GUCY1A2: variants seen among roughly 807,000 people sequenced by gnomAD.
GUCY1A2 encodes guanylate cyclase soluble subunit alpha-2.
GUCY1A2 carries 27 observed loss-of-function variants against 63.5 expected under a neutral mutation model. The ratio of observed to expected loss-of-function variants is 0.43; its 90% CI spans 0.31 to 0.59. GUCY1A2 has a LOEUF of 0.59. Among genes scored for constraint, GUCY1A2 ranks in the 20% least tolerant of loss-of-function variants. GUCY1A2 has a pLI of 0.11. For synonymous variants in GUCY1A2, 364 were observed against 343.5 expected, an observed-to-expected ratio of 1.06 and a Z score of -0.66; for missense variants, 768 against 913.3, an observed-to-expected ratio of 0.84 and a Z score of 2.05.
chr11:106,980,193 G>C (rs549347969), intron 2 of GUCY1A2, among the ~76,000 whole-genome samples: 1 of 152,318 alleles, frequency 6.6e-6, no homozygotes, highest in South Asian at 2.1e-4. Context: ...GCAAATATGT[G>C]AATTTCCCAT....
At chr11:106,911,604 A>T (rs1016472366) in intron 4 of GUCY1A2, among the ~76,000 whole-genome samples, 1 of 152,092 alleles carries the variant, frequency 6.6e-6, no homozygotes, top group Non-Finnish European at 1.5e-5. Flanking sequence ...TTAAAATCCC[A>T]AGAGATATAA....
At chr11:106,907,651 C>A (rs11211970) in intron 4 of GUCY1A2, among the ~76,000 whole-genome samples, 3 of 151,580 alleles carry the variant, frequency 2.0e-5, no homozygotes, top group African/African-American at 7.3e-5. Context: ...TGAGAACATG[C>A]GGTGTTTGGT....
At chr11:107,002,394 T>TGTGTG (rs1038268437) in intron 1 of GUCY1A2, among the ~76,000 whole-genome samples, 5 of 151,650 alleles carry the variant, frequency 3.3e-5, no homozygotes, top group Non-Finnish European at 7.4e-5. Flanking sequence ...AACAGGTGTG[T>TGTGTG]GTGTGTGTGT....
At chr11:106,982,338 T>A (rs1191299407) in intron 2 of GUCY1A2, among the ~76,000 whole-genome samples, 1 of 152,204 alleles carries the variant, frequency 6.6e-6, no homozygotes, top group African/African-American at 2.4e-5. Context: ...TGTCTGCTAC[T>A]GACTTCTTCT....
chr11:106,981,105 A>G (rs1319592049), intron 2 of GUCY1A2, among the ~76,000 whole-genome samples: 2 of 152,178 alleles, frequency 1.3e-5, no homozygotes, highest in African/African-American at 2.4e-5. Flanking sequence ...TTTATGTTCA[A>G]AAAGATACAG....
intron 6 of GUCY1A2, among the ~76,000 whole-genome samples, chr11:106,718,229 G>A (rs1005634777): frequency 2.6e-5 from 4 of 151,958 alleles, no homozygotes; most frequent in African/African-American, 9.7e-5. Flanking sequence ...TCTCATCACT[G>A]GTAATTTCAG....
At chr11:106,830,289 T>C (rs1859032763) in intron 4 of GUCY1A2, among the ~76,000 whole-genome samples, 1 of 152,184 alleles carries the variant, frequency 6.6e-6, no homozygotes, top group Non-Finnish European at 1.5e-5. Flanking sequence ...GAACTTATTG[T>C]CTTTATTTGA....
At chr11:106,930,589 A>G (rs1325670525) in intron 4 of GUCY1A2, among the ~76,000 whole-genome samples, 1 of 152,228 alleles carries the variant, frequency 6.6e-6, no homozygotes, top group Non-Finnish European at 1.5e-5. Context: ...CCCAATTGCA[A>G]AAAGAAAGAT....
At position 106,674,035 on chromosome 11, in the gene GUCY1A2, T is replaced by G. The variant is rs1198360281; in HGVS notation, c.*13514A>C. 1 of 173,846 alleles carries G rather than the reference T, an allele frequency of 5.8e-6. No individual in the cohort carries two copies. The highest frequency in any genetic ancestry group is 1.2e-5 in the Non-Finnish European group (1 of 80,232). 10.8% of individuals were successfully genotyped at this position (173,846 alleles called of 1,614,324 possible). ...TGTTCAGACTCCTTTTTGGTATTAT[T>G]TATTGATTTAAATATTTTATAAGTG... On this transcript the variant is annotated 3_prime_UTR_variant, in exon 8 of 8. Coordinates refer to ENST00000526355, the MANE Select transcript of GUCY1A2 (RefSeq NM_000855.3).
intron 4 of GUCY1A2, among the ~76,000 whole-genome samples, chr11:106,885,120 T>C (rs912954942): frequency 1.3e-5 from 2 of 152,160 alleles, no homozygotes; most frequent in African/African-American, 4.8e-5. Context: ...CAAAACACCA[T>C]GATTTCAGTC....
At chr11:106,805,270 T>C (rs975230468) in intron 5 of GUCY1A2, among the ~76,000 whole-genome samples, 3 of 149,824 alleles carry the variant, frequency 2.0e-5, no homozygotes, top group African/African-American at 4.9e-5. Context: ...TTTTGAGACG[T>C]AGTCTCACTC....
intron 6 of GUCY1A2, among the ~76,000 whole-genome samples, chr11:106,753,313 A>AGGTT (rs1277455493): frequency 6.6e-6 from 1 of 152,172 alleles, no homozygotes; most frequent in African/African-American, 2.4e-5. Flanking sequence ...CCCATTCTGT[A>AGGTT]GGTTGCCTGT....
intron 5 of GUCY1A2, among the ~76,000 whole-genome samples, chr11:106,795,809 T>C (rs1378117723): frequency 6.6e-6 from 1 of 152,162 alleles, no homozygotes; most frequent in Non-Finnish European, 1.5e-5. Context: ...GCAGCATTGA[T>C]TTGCAGTTTG....
chr11:106,713,858 T>C (rs2135356407), intron 6 of GUCY1A2, among the ~76,000 whole-genome samples: 1 of 152,146 alleles, frequency 6.6e-6, no homozygotes, highest in Admixed American at 6.5e-5. Context: ...CCAATTTATA[T>C]TGTTATCTTG....
intron 6 of GUCY1A2, among the ~76,000 whole-genome samples, chr11:106,725,836 C>T (rs367933165): frequency 6.6e-6 from 1 of 151,842 alleles, no homozygotes; most frequent in Non-Finnish European, 1.5e-5. Context: ...ACTAAAATGA[C>T]AGCAGTGGAC....
intron 6 of GUCY1A2, among the ~76,000 whole-genome samples, chr11:106,752,184 T>C (rs1190813386): frequency 2.0e-5 from 3 of 152,092 alleles, no homozygotes; most frequent in Non-Finnish European, 4.4e-5. Flanking sequence ...CCAAGAAAGA[T>C]GGATAGAATA....
rs530186747 is a variant in GUCY1A2 at position 106,826,826 on chromosome 11, C to T, written c.1207-16348G>A. The stretch of plus-strand genomic sequence containing the variant: ...TGCCAGGATGTAGTACAGATGTCAC[C>T]GGCAGCATAGATATCAGGAAGGGAT... On this transcript the variant is annotated intron_variant, in intron 4 of 7. Coordinates refer to ENST00000526355, the MANE Select transcript of GUCY1A2 (RefSeq NM_000855.3). 706 of 1,608,280 alleles carry T rather than the reference C, an allele frequency of 4.4e-4. 1 individual carries two copies. Among genetic ancestry groups the T allele is most frequent in the Non-Finnish European group, 5.3e-4 (622 of 1,176,262 alleles).
intron 3 of GUCY1A2, among the ~76,000 whole-genome samples, chr11:106,955,131 C>T (rs1860966021): frequency 6.6e-6 from 1 of 152,098 alleles, no homozygotes; most frequent in Admixed American, 6.5e-5. Flanking sequence ...TGCCACCATG[C>T]CCAACTAATT....
intron 6 of GUCY1A2, among the ~76,000 whole-genome samples, chr11:106,716,779 A>G (rs1450478461): frequency 3.4e-5 from 5 of 147,732 alleles, no homozygotes; most frequent in African/African-American, 5.1e-5. Context: ...AAAAAAAAAA[A>G]AAAAAAAAAA....
Sources: allele counts gnomAD v4.1 joint callset (sites outside exome capture counted in the v4.1 genomes callset), GRCh38; gene constraint gnomAD v4.1.1; transcripts MANE v1.5; gene names NCBI Gene and HGNC (gene_info 2026-07-23, HGNC 2026-07-21).